Variants in PRIM2 observed in about 807,000 individuals in gnomAD.
The protein encoded by PRIM2 is DNA primase subunit 2.
A neutral mutation model predicts 67.3 loss-of-function variants in PRIM2; 39 were observed. That is an observed-to-expected ratio of 0.58 (90% CI 0.45 to 0.76). PRIM2 has a LOEUF of 0.76. PRIM2 is among the 30% of genes least tolerant of loss of function. The pLI is 0.00. For synonymous variants in PRIM2, 143 were observed against 198.7 expected (o/e 0.72, Z 2.36); for missense variants, 398 against 598.7 (o/e 0.66, Z 3.50).
chr6:57,359,184 G>C (rs1769121117), intron 5 of PRIM2, among the ~76,000 whole-genome samples: 1 of 152,238 alleles, frequency 6.6e-6, no homozygotes, highest in Non-Finnish European at 1.5e-5. Flanking sequence ...CAGTGTCTGG[G>C]TACAGGCTTT....
the PRIM2 span, among the ~76,000 whole-genome samples, chr6:57,273,628 G>T: frequency 1.3e-5 from 2 of 152,156 alleles, no homozygotes; most frequent in Admixed American, 1.3e-4. Context: ...CTCTCAGCTC[G>T]TCAAAGTCAT....
chr6:57,295,400 T>C, the PRIM2 span, among the ~76,000 whole-genome samples: 2 of 152,204 alleles, frequency 1.3e-5, no homozygotes, highest in Admixed American at 6.5e-5. Context: ...GTTTAACTAG[T>C]AGCAAACCAC....
At chr6:57,625,084 C>T (rs1776925738) in intron 12 of PRIM2, among the ~76,000 whole-genome samples, 1 of 152,172 alleles carries the variant, frequency 6.6e-6, no homozygotes, top group Admixed American at 6.5e-5. Context: ...AGGTCCCTCC[C>T]ATGACACGTG....
At chr6:57,633,648 G>C (rs1777070163) in intron 13 of PRIM2, among the ~76,000 whole-genome samples, 1 of 152,114 alleles carries the variant, frequency 6.6e-6, no homozygotes, top group Non-Finnish European at 1.5e-5. Context: ...CAGTTTCATG[G>C]AAGACAATTT....
At chr6:57,505,132 AG>A in intron 7 of PRIM2, 1 of 152,330 alleles carries the variant, frequency 6.6e-6, no homozygotes, top group South Asian at 2.1e-4. Context: ...GCCACTTTAA[AG>A]AGCTTTGGAA....
At chr6:57,509,811 A>G (rs1774324966) in intron 8 of PRIM2, among the ~76,000 whole-genome samples, 3 of 149,034 alleles carry the variant, frequency 2.0e-5, no homozygotes, top group South Asian at 4.2e-4. Flanking sequence ...TGTATTTAAC[A>G]TAATTTTAAT....
chr6:57,335,260 T>C (rs1188071582), intron 5 of PRIM2, among the ~76,000 whole-genome samples: 1 of 152,232 alleles, frequency 6.6e-6, no homozygotes, highest in Non-Finnish European at 1.5e-5. Context: ...GAGATCAAAC[T>C]GCAAGGCAGC....
the PRIM2 span, among the ~76,000 whole-genome samples, chr6:57,275,945 T>C: frequency 6.6e-6 from 1 of 152,218 alleles, no homozygotes; most frequent in Non-Finnish European, 1.5e-5. Flanking sequence ...AGTTGTCATA[T>C]TTTATACAGT....
the PRIM2 span, among the ~76,000 whole-genome samples, chr6:57,229,492 A>T: frequency 1.1e-4 from 9 of 78,708 alleles, no homozygotes; most frequent in African/African-American, 1.6e-4. Context: ...TTTTTTATTT[A>T]TTTTTTTTTT....
upstream of PRIM2, among the ~76,000 whole-genome samples, chr6:57,317,013 T>G (rs1767501421): frequency 6.6e-6 from 1 of 152,268 alleles, no homozygotes; most frequent in Non-Finnish European, 1.5e-5. Flanking sequence ...ACGTGGAACC[T>G]GCCAGTAGGG....
chr6:57,235,679 T>C, the PRIM2 span, among the ~76,000 whole-genome samples: 1 of 152,082 alleles, frequency 6.6e-6, no homozygotes, highest in African/African-American at 2.4e-5. Flanking sequence ...TTTGCAGATG[T>C]GGTTAAGAAT....
At chr6:57,408,759 T>C (rs560072822) in intron 7 of PRIM2, among the ~76,000 whole-genome samples, 11 of 152,266 alleles carry the variant, frequency 7.2e-5, no homozygotes, top group Admixed American at 7.2e-4. Context: ...TCACCCAAAC[T>C]GGAATGCTGT....
At chr6:57,290,430 A>G in the PRIM2 span, among the ~76,000 whole-genome samples, 1 of 152,190 alleles carries the variant, frequency 6.6e-6, no homozygotes, top group Non-Finnish European at 1.5e-5. Context: ...CCCACTGTCA[A>G]TATTAGACAG....
chr6:57,546,073 T>C (rs1775285056), intron 10 of PRIM2, among the ~76,000 whole-genome samples: 2 of 152,236 alleles, frequency 1.3e-5, no homozygotes, highest in Non-Finnish European at 2.9e-5. Flanking sequence ...TAGTCAAATA[T>C]GTGTAGTTTC....
chr6:57,297,186 A>G, the PRIM2 span, among the ~76,000 whole-genome samples: 1 of 152,204 alleles, frequency 6.6e-6, no homozygotes, highest in African/African-American at 2.4e-5. Flanking sequence ...TCACGCCTGT[A>G]ATCCCAGCAC....
chr6:57,331,282 T>C (rs548702583), intron 5 of PRIM2, among the ~76,000 whole-genome samples: 17 of 152,288 alleles, frequency 1.1e-4, no homozygotes, highest in Admixed American at 5.2e-4. Flanking sequence ...GGTCATGTTA[T>C]ATAATCTTTT....
intron 7 of PRIM2, among the ~76,000 whole-genome samples, chr6:57,503,619 C>A (rs1774189907): frequency 6.6e-6 from 1 of 152,024 alleles, no homozygotes; most frequent in Non-Finnish European, 1.5e-5. Context: ...CATGGTGGCA[C>A]ACACCTGTAA....
upstream of PRIM2, among the ~76,000 whole-genome samples, chr6:57,311,943 G>T (rs947650702): frequency 6.6e-6 from 1 of 150,788 alleles, no homozygotes; most frequent in Admixed American, 6.6e-5. Context: ...CCCGAGGCAG[G>T]GAGGTTGCAG....
At position 57,380,141 on chromosome 6, in the gene PRIM2, A is replaced by G. The variant is rs533758742; in HGVS notation, c.555+145A>G. The stretch of plus-strand genomic sequence containing the variant: ...CACAGATACTGTCCTCATTGCACTA[A>G]TGGTGTGCCAATGTTCTCTCCTGGG... On this transcript the variant is annotated intron_variant, in intron 6 of 13. Coordinates refer to ENST00000615550, the MANE Select transcript of PRIM2 (RefSeq NM_000947.5). 24 of 635,208 alleles carry G rather than the reference A, an allele frequency of 3.8e-5. No individual in the cohort carries two copies. In the Admixed American group the frequency reaches 6.7e-4, roughly 18 times the overall value. The allele number at this position is 635,208 out of a possible 1,614,324, so 39.3% of individuals were successfully genotyped here.
Sources: allele counts gnomAD v4.1 joint callset (sites outside exome capture counted in the v4.1 genomes callset), GRCh38; gene constraint gnomAD v4.1.1; transcripts MANE v1.5; gene names NCBI Gene and HGNC (gene_info 2026-07-23, HGNC 2026-07-21).